Variants in CTNNA3 observed in about 807,000 individuals in gnomAD.
The protein encoded by CTNNA3 is catenin alpha-3.
In CTNNA3, 76 loss-of-function variants were observed where a neutral mutation model predicts 95.7. The observed-to-expected ratio is 0.79, with a 90% CI of 0.66 to 0.96. The LOEUF is 0.96. Ranked by LOEUF, CTNNA3 falls within the 40% of genes least tolerant of loss-of-function variation. The pLI is 0.00. For missense variants in CTNNA3, 1,191 were observed against 1,089.8 expected (o/e 1.09, Z -1.31); for synonymous variants, 431 against 374.4 (o/e 1.15, Z -1.74).
chr10:66,233,063 G>A (rs1010631561), intron 13 of CTNNA3, among the ~76,000 whole-genome samples: 9 of 150,946 alleles, frequency 6.0e-5, no homozygotes, highest in African/African-American at 2.2e-4. Flanking sequence ...GGGAGGCTGA[G>A]GCAGGAGAAT....
chr10:66,904,266 A>T (rs1589402316), intron 7 of CTNNA3, among the ~76,000 whole-genome samples: 1 of 152,312 alleles, frequency 6.6e-6, no homozygotes, highest in East Asian at 1.9e-4. Context: ...AGAAATGGGG[A>T]AAGGATTCCC....
intron 11 of CTNNA3, among the ~76,000 whole-genome samples, chr10:66,409,827 G>A (rs900555360): frequency 6.6e-6 from 1 of 152,126 alleles, no homozygotes; most frequent in African/African-American, 2.4e-5. Context: ...GAATTAGAAA[G>A]GTACAATCAG....
At chr10:67,686,518 A>C (rs1840734461) in intron 1 of CTNNA3, among the ~76,000 whole-genome samples, 1 of 152,190 alleles carries the variant, frequency 6.6e-6, no homozygotes. Flanking sequence ...TGGTCCCTCA[A>C]GGAGTAGCGC....
At chr10:66,791,140 C>T (rs56656841) in intron 7 of CTNNA3, among the ~76,000 whole-genome samples, 2,668 of 152,228 alleles carry the variant, frequency 0.018, 79 homozygotes, top group African/African-American at 0.062. Flanking sequence ...GTGTGATACC[C>T]ATTTGTTTAA....
chr10:66,638,309 G>A (rs1020146130), intron 9 of CTNNA3, among the ~76,000 whole-genome samples: 1 of 152,006 alleles, frequency 6.6e-6, no homozygotes, highest in Admixed American at 6.6e-5. Flanking sequence ...GGCAACTCAA[G>A]TGCAATTCGT....
intron 13 of CTNNA3, among the ~76,000 whole-genome samples, chr10:66,154,513 G>A (rs1374786584): frequency 6.6e-6 from 1 of 151,088 alleles, no homozygotes; most frequent in Non-Finnish European, 1.5e-5. Context: ...CATTTTCAAG[G>A]GTGGATTTTT....
chr10:67,754,114 C>T (rs915561981), intron 1 of CTNNA3, among the ~76,000 whole-genome samples: 1 of 152,170 alleles, frequency 6.6e-6, no homozygotes, highest in Non-Finnish European at 1.5e-5. Flanking sequence ...TACATACACA[C>T]CATGGAATGC....
chr10:67,493,552 ACT>A (rs1346421534), intron 5 of CTNNA3, among the ~76,000 whole-genome samples: 3 of 143,840 alleles, frequency 2.1e-5, no homozygotes, highest in South Asian at 4.3e-4. Context: ...ACAGAGCGAG[ACT>A]CTGTCTCAAA....
At chr10:66,674,012 A>C (rs1846756253) in intron 9 of CTNNA3, among the ~76,000 whole-genome samples, 1 of 108,366 alleles carries the variant, frequency 9.2e-6, no homozygotes, top group South Asian at 2.8e-4. Context: ...CTAACTCAGC[A>C]CTTGTTAATT....
At chr10:66,013,552 C>T (rs74349259) in intron 15 of CTNNA3, among the ~76,000 whole-genome samples, 2,746 of 152,228 alleles carry the variant, frequency 0.018, 42 homozygotes, top group Non-Finnish European at 0.031. Context: ...TTTGCTAACG[C>T]GCTTTTAACT....
intron 13 of CTNNA3, among the ~76,000 whole-genome samples, chr10:66,206,833 G>C (rs1302406215): frequency 2.0e-5 from 3 of 151,978 alleles, no homozygotes; most frequent in African/African-American, 4.8e-5. Context: ...TTAAGGGGTA[G>C]AATCAGACTG....
intron 7 of CTNNA3, among the ~76,000 whole-genome samples, chr10:67,123,657 A>G (rs1298430548): frequency 1.3e-5 from 2 of 152,236 alleles, no homozygotes; most frequent in Non-Finnish European, 1.5e-5. Context: ...ATGTTCAATT[A>G]TAAAAGATAA....
intron 7 of CTNNA3, among the ~76,000 whole-genome samples, chr10:67,165,458 G>A (rs1589813674): frequency 6.6e-6 from 1 of 152,188 alleles, no homozygotes; most frequent in South Asian, 2.1e-4. Flanking sequence ...TTTTGTGTTG[G>A]TGATTACACA....
chr10:65,981,401 T>C (rs1035194782), intron 16 of CTNNA3, among the ~76,000 whole-genome samples: 1 of 152,026 alleles, frequency 6.6e-6, no homozygotes, highest in African/African-American at 2.4e-5. Flanking sequence ...AGAATCAATA[T>C]TGTAAAAATG....
At chr10:66,079,804 C>T (rs1448922979) in intron 14 of CTNNA3, among the ~76,000 whole-genome samples, 1 of 151,716 alleles carries the variant, frequency 6.6e-6, no homozygotes, top group Non-Finnish European at 1.5e-5. Flanking sequence ...GTGACACAGT[C>T]GTGGCAAAGA....
chr10:66,423,005 A>G (rs1027147344), intron 11 of CTNNA3, among the ~76,000 whole-genome samples: 19 of 152,150 alleles, frequency 1.2e-4, no homozygotes, highest in African/African-American at 4.6e-4. Context: ...AACTCCTTCA[A>G]TCCATTAATC....
chr10:65,921,589 C>T (rs1012206369), intron 17 of CTNNA3, among the ~76,000 whole-genome samples: 5 of 152,220 alleles, frequency 3.3e-5, no homozygotes, highest in African/African-American at 1.2e-4. Context: ...TCTAAGCCTA[C>T]GTGAACCTCA....
In CTNNA3 at chr10:67,145,788, T is replaced by G. The variant is rs1860813204; in HGVS notation, c.1047+34529A>C. 2.6e-5 allele frequency among the ~76,000 whole-genome samples: 4 copies of G among 152,298 alleles called. No homozygotes were observed. The South Asian group carries it at 8.3e-4, about 32-fold the overall frequency. ...TATATATTTGAAATATTTTTCACTA[T>G]TATCCTAAGCTAATAATAATAGGAA... On this transcript the variant is annotated intron_variant, in intron 7 of 17. Coordinates refer to ENST00000433211, the MANE Select transcript of CTNNA3 (RefSeq NM_013266.4).
intron 12 of CTNNA3, among the ~76,000 whole-genome samples, chr10:66,315,634 CA>C (rs1409832647): frequency 3.9e-5 from 6 of 151,932 alleles, no homozygotes; most frequent in Non-Finnish European, 8.8e-5. Context: ...AGACTATTTT[CA>C]ACTTGCTTAT....
Sources: allele counts gnomAD v4.1 joint callset (sites outside exome capture counted in the v4.1 genomes callset), GRCh38; gene constraint gnomAD v4.1.1; transcripts MANE v1.5; gene names NCBI Gene and HGNC (gene_info 2026-07-23, HGNC 2026-07-21).